Variants in BCLAF3 observed in about 807,000 individuals in gnomAD.
BCLAF3 encodes the protein transient octamer binding factor 1.
BCLAF3 carries 24 observed loss-of-function variants against 51.2 expected under a neutral mutation model. The ratio of observed to expected loss-of-function variants is 0.47; its 90% CI spans 0.34 to 0.66. The LOEUF (loss-of-function observed/expected upper bound fraction) is 0.66. Ranked by LOEUF, BCLAF3 falls within the 30% of genes least tolerant of loss-of-function variation. The pLI, the probability that BCLAF3 is intolerant of heterozygous loss-of-function variation, is 0.01. For synonymous variants in BCLAF3, 152 were observed against 176.6 expected, an observed-to-expected ratio of 0.86 and a Z score of 1.10; for missense variants, 465 against 525.1, an observed-to-expected ratio of 0.89 and a Z score of 1.12.
intron 8 of BCLAF3, among the ~76,000 whole-genome samples, chrX:19,946,550 C>T (rs1262538770): frequency 9.0e-6 from 1 of 111,624 alleles, no homozygotes; most frequent in Admixed American, 9.5e-5. Flanking sequence ...ACCCAGCAAC[C>T]ACAGTGATCC....
intron 11 of BCLAF3, among the ~76,000 whole-genome samples, chrX:19,926,692 A>T (rs192065129): frequency 2.7e-5 from 3 of 111,022 alleles, no homozygotes; most frequent in African/African-American, 9.8e-5. Context: ...CAGAAACCCA[A>T]CCTTGCGAAT....
chrX:19,963,286 C>T (rs1332308159), intron 4 of BCLAF3, among the ~76,000 whole-genome samples: 1 of 104,399 alleles, frequency 9.6e-6, no homozygotes, highest in Admixed American at 1.0e-4. Context: ...CTCAAGCGAT[C>T]CTTCCACCTC....
intron 3 of BCLAF3, 41 bp downstream of exon 3, chrX:19,966,039 G>C (rs1252374759): frequency 3.7e-6 from 4 of 1,093,356 alleles, no homozygotes; most frequent in Non-Finnish European, 4.9e-6. Flanking sequence ...TTTCACTTGA[G>C]GCTTTATACC....
intron 2 of BCLAF3, among the ~76,000 whole-genome samples, chrX:19,967,650 G>T (rs1471083960): frequency 9.0e-6 from 1 of 111,569 alleles, no homozygotes; most frequent in Non-Finnish European, 1.9e-5. Context: ...CATCTGAGCT[G>T]CCCAATTTCT....
intron 8 of BCLAF3, among the ~76,000 whole-genome samples, chrX:19,939,937 G>C (rs1046901552): frequency 8.0e-5 from 9 of 112,120 alleles, no homozygotes; most frequent in African/African-American, 2.6e-4. Flanking sequence ...AGGAGAGCAT[G>C]AGGAGTTACT....
chrX:19,937,656 A>C, intron 8 of BCLAF3, 124 bp from the exon 9 acceptor site: 1 of 414,368 alleles, frequency 2.4e-6, no homozygotes, highest in South Asian at 5.2e-5. Flanking sequence ...GTGAAATCTC[A>C]ATGATCTATC....
intron 4 of BCLAF3, among the ~76,000 whole-genome samples, chrX:19,958,952 C>T (rs920330347): frequency 8.9e-6 from 1 of 112,412 alleles, no homozygotes; most frequent in African/African-American, 3.2e-5. Context: ...CCAGCCCCAA[C>T]ATGCATTCAG....
At chrX:19,946,970 C>T (rs2071330436) in intron 8 of BCLAF3, among the ~76,000 whole-genome samples, 1 of 112,373 alleles carries the variant, frequency 8.9e-6, no homozygotes, top group African/African-American at 3.2e-5. Flanking sequence ...CCTATCACTC[C>T]ACTGACATGT....
chrX:19,964,990 A>G (rs766485516), intron 4 of BCLAF3, 54 bp downstream of exon 4: 333 of 1,002,189 alleles, frequency 3.3e-4, no homozygotes, highest in Non-Finnish European at 4.1e-4. Flanking sequence ...GAAGCTGCAA[A>G]TAAAGATTGT....
At chrX:19,982,615 GCAAA>G (rs911277497) in intron 1 of BCLAF3, among the ~76,000 whole-genome samples, 19 of 106,303 alleles carry the variant, frequency 1.8e-4, no homozygotes, top group South Asian at 8.5e-4. Context: ...AGAAAAATAA[GCAAA>G]CAAAGGAGTG....
chrX:19,935,629 C>A, intron 10 of BCLAF3, 180 bp downstream of exon 10: 1 of 414,450 alleles, frequency 2.4e-6, no homozygotes, highest in South Asian at 4.9e-5. Context: ...AAAATCAAGT[C>A]CTAAGGAAAG....
chrX:19,967,959 A>G (rs1426425936), intron 2 of BCLAF3, among the ~76,000 whole-genome samples: 1 of 112,040 alleles, frequency 8.9e-6, no homozygotes, highest in Non-Finnish European at 1.9e-5. Flanking sequence ...AGCTGGCTAC[A>G]CCTCATCACA....
intron 8 of BCLAF3, among the ~76,000 whole-genome samples, chrX:19,949,524 A>G (rs2071409454): frequency 8.9e-6 from 1 of 112,267 alleles, no homozygotes; most frequent in Non-Finnish European, 1.9e-5. Context: ...CATGATAGAG[A>G]GCTTGTGTCA....
intron 2 of BCLAF3, among the ~76,000 whole-genome samples, chrX:19,967,706 C>T (rs1183900177): frequency 1.8e-5 from 2 of 111,959 alleles, no homozygotes; most frequent in Non-Finnish European, 3.8e-5. Flanking sequence ...AATGAGGAAG[C>T]GATCCTTGCA....
At chrX:19,946,168 C>A (rs2147857975) in intron 8 of BCLAF3, among the ~76,000 whole-genome samples, 1 of 111,849 alleles carries the variant, frequency 8.9e-6, no homozygotes, top group African/African-American at 3.2e-5. Flanking sequence ...CCTGCGCCCA[C>A]TGTCTGGCAC....
At position 19,914,218 on chromosome X, in the gene BCLAF3, C is replaced by T. The variant is rs952480563; in HGVS notation, c.*3087G>A. 3 of 111,505 alleles carry T rather than the reference C, an allele frequency of 2.7e-5. No homozygotes were observed. The highest frequency in any genetic ancestry group is 9.8e-5 in the African/African-American group (3 of 30,605). The allele number at this position is 111,505 out of a possible 1,213,427, so 9.2% of individuals were successfully genotyped here. The stretch of plus-strand genomic sequence containing the variant: ...GTCCCAAGAGTTTTCCTTGACTCTC[C>T]TCCACGTGGCCTGGTCACCTCGTCA... On this transcript the variant is annotated 3_prime_UTR_variant, in exon 12 of 12. Coordinates refer to ENST00000379682, the MANE Select transcript of BCLAF3 (RefSeq NM_001367774.2).
intron 8 of BCLAF3, among the ~76,000 whole-genome samples, chrX:19,940,705 A>G (rs1378661117): frequency 9.3e-6 from 1 of 107,778 alleles, no homozygotes; most frequent in Non-Finnish European, 1.9e-5. Context: ...AGTCTTTGCT[A>G]TTGTGAATAA....
intron 4 of BCLAF3, 114 bp downstream of exon 4, chrX:19,964,930 G>A: frequency 1.6e-6 from 1 of 628,854 alleles, no homozygotes; most frequent in Non-Finnish European, 2.3e-6. Flanking sequence ...AAAATTCTTG[G>A]CAATCCCTCC....
chrX:19,941,594 T>C (rs1372448170), intron 8 of BCLAF3, among the ~76,000 whole-genome samples: 1 of 109,296 alleles, frequency 9.1e-6, no homozygotes, highest in Non-Finnish European at 1.9e-5. Context: ...ATATGTGGCG[T>C]TATTTCTGAG....
Sources: allele counts gnomAD v4.1 joint callset (sites outside exome capture counted in the v4.1 genomes callset), GRCh38; gene constraint gnomAD v4.1.1; transcripts MANE v1.5; gene names NCBI Gene and HGNC (gene_info 2026-07-23, HGNC 2026-07-21).